ARHGAP33: variants seen among roughly 807,000 people sequenced by gnomAD.
ARHGAP33 encodes the protein rho GTPase-activating protein 33.
In ARHGAP33, 57 loss-of-function variants were observed where a neutral mutation model predicts 126.2. The observed-to-expected ratio is 0.45, with a 90% CI of 0.36 to 0.56. The LOEUF is 0.56. Ranked by LOEUF, ARHGAP33 falls within the 20% of genes least tolerant of loss-of-function variation. The pLI is 0.00. For missense variants in ARHGAP33, 1,500 were observed against 1,748.3 expected, an observed-to-expected ratio of 0.86 and a Z score of 2.53; for synonymous variants, 711 against 755.0, an observed-to-expected ratio of 0.94 and a Z score of 0.95.
intron 9 of ARHGAP33, 40 bp downstream of exon 9, chr19:35,780,688 G>A (rs1971713539): frequency 1.7e-6 from 2 of 1,202,136 alleles, no homozygotes; most frequent in African/African-American, 1.5e-5. Flanking sequence ...GGGAGGGGTG[G>A]GAAGGGGTGG....
rs751674182 is a variant in ARHGAP33, at chr19:35,787,639, C to T, written c.3074C>T (p.Ser1025Leu). 69 of 1,593,988 alleles carry T rather than the reference C, an allele frequency of 4.3e-5. No individual in the cohort carries two copies. The South Asian group carries it at 7.3e-4, about 17-fold the overall frequency. ...GCCCAGTCCCCATGTTCTGTCCCCTCACAGGTTCCTACCCCCGGCTTCTTC... is the reference window on the plus strand; with the variant it reads ...GCCCAGTCCCCATGTTCTGTCCCCTTACAGGTTCCTACCCCCGGCTTCTTC... ...AAAQSPCSVP[S>L]QVPTPGFFSP... The change falls in exon 21 of 21, where the codon TCA (serine) becomes TTA (leucine). Residue 1025 changes from serine (S) to leucine (L), a missense_variant. Around this residue, in one of 6 missense-constraint regions of ARHGAP33, gnomAD observed 642 missense variants for 634.0 expected, o/e 1.01. Transcript: ENST00000007510.
rs1971683582 is a variant in ARHGAP33 at position 35,780,232 on chromosome 19, C to T, written c.523C>T (p.Leu175=). 3 of 1,614,040 alleles carry T rather than the reference C, an allele frequency of 1.9e-6. No individual in the cohort carries two copies. Among genetic ancestry groups the T allele is most frequent in the Admixed American group, 1.7e-5 (1 of 60,022 alleles). ...TCAGCTGGACAATCACGGCCGGCGA[C>T]TGCTCCTCAGTGAGGAGGCGTCACT... ...WMELDNHGRR[L]LLSEEASLNI... is the part of the protein sequence containing the mutation. Residue 175 remains leucine (L), a synonymous_variant, in exon 7 of 21, where the codon CTG becomes TTG. Coordinates refer to ENST00000007510, the MANE Select transcript of ARHGAP33 (RefSeq NM_001366178.1).
rs1599806637 is a variant in ARHGAP33 at position 35,787,995 on chromosome 19, T to G, written c.3430T>G (p.Cys1144Gly). The change falls in exon 21 of 21, where the codon TGC becomes GGC. Residue 1144 changes from cysteine to glycine, a missense_variant. By Grantham distance (159) the Cys-to-Gly change is radical. Transcript: ENST00000007510. Reference protein sequence around the residue: ...FLLSYPPAPSCFPPDHLGYSA... With the variant: ...FLLSYPPAPSGFPPDHLGYSA... ...GCTCAGCTACCCGCCAGCCCCCTCC[T>G]GCTTTCCCCCTGACCACCTTGGCTA... 1 of 1,145,588 alleles carries G rather than the reference T, an allele frequency of 8.7e-7. No individual in the cohort carries two copies. The allele number at this position is 1,145,588 out of a possible 1,614,324, so 71.0% of individuals were successfully genotyped here.
At position 35,786,461 on chromosome 19, in the gene ARHGAP33, C is replaced by G. The variant is rs761331264; in HGVS notation, c.1991C>G (p.Ala664Gly). 1 of 1,535,886 alleles carries G rather than the reference C, an allele frequency of 6.5e-7. No homozygotes were observed. Among genetic ancestry groups the G allele is most frequent in the African/African-American group, 1.4e-5 (1 of 73,138 alleles). ...CGGCGACCCCACTCCAGCAGCGACG[C>G]TTTCCCTGTGGGCCCAGCACCTGCT... ...RLRRPHSSSD[A>G]FPVGPAPAGS... Residue 664 changes from alanine (A) to glycine (G), a missense_variant, in exon 20 of 21, where the codon GCT becomes GGT. Physicochemically the swap from Ala to Gly is moderately conservative, Grantham distance 60. Coordinates refer to ENST00000007510, the MANE Select transcript of ARHGAP33 (RefSeq NM_001366178.1). This position sits in a 1 kb window ranked among gnomAD's most constrained non-coding sequence, Gnocchi z 7.0.
intron 15 of ARHGAP33, among the ~76,000 whole-genome samples, chr19:35,783,910 AGATT>A (rs1056372667): frequency 3.0e-5 from 4 of 132,624 alleles, no homozygotes; most frequent in Non-Finnish European, 4.8e-5. Flanking sequence ...AGGGGGTGAC[AGATT>A]GATTGTGGGA....
chr19:35,784,114 C>G (rs1971957850), intron 15 of ARHGAP33, 58 bp from the exon 16 acceptor site: 1 of 1,512,178 alleles, frequency 6.6e-7, no homozygotes, highest in South Asian at 1.2e-5. Context: ...CATTGCCCTG[C>G]CAGAACCTGC....
At chr19:35,781,556 A>G (rs1175449097) in intron 12 of ARHGAP33, among the ~76,000 whole-genome samples, 1 of 152,238 alleles carries the variant, frequency 6.6e-6, no homozygotes, top group Non-Finnish European at 1.5e-5. Context: ...GGGGAGGGAT[A>G]GAGTTCACCA....
chr19:35,778,838 G>A (rs231229), intron 5 of ARHGAP33, 194 bp from the exon 6 acceptor site: 330,236 of 776,798 alleles, frequency 0.43, 75,048 homozygotes, highest in East Asian at 0.73. Context: ...CCATGGTCAT[G>A]CCAACCAGGG....
At chr19:35,777,479 T>TCCTGTCCTCAGC in intron 1 of ARHGAP33, 166 bp from the exon 2 acceptor site, 1 of 640,704 alleles carries the variant, frequency 1.6e-6, no homozygotes, top group Non-Finnish European at 2.8e-6. Context: ...GAAGAAGCAG[T>TCCTGTCCTCAGC]CCTGTCCTCA....
rs1239195551 is a variant in ARHGAP33 at position 35,787,527 on chromosome 19, A to T, written c.2962A>T (p.Thr988Ser). Residue 988 changes from threonine (T) to serine (S), a missense_variant, in exon 21 of 21, where the codon ACC becomes TCC. Around this residue, in one of 6 missense-constraint regions of ARHGAP33, gnomAD observed 642 missense variants for 634.0 expected, o/e 1.01. Coordinates refer to ENST00000007510, the MANE Select transcript of ARHGAP33 (RefSeq NM_001366178.1). ...SLLRSQRPMGTSRRGLRGPAQ... is the reference protein window; with the variant it reads ...SLLRSQRPMGSSRRGLRGPAQ... ...GCTGAGGAGCCAGCGGCCCATGGGG[A>T]CCTCAAGGAGGGGACTCCGAGGCCC... 1 of 1,611,944 alleles carries T rather than the reference A, an allele frequency of 6.2e-7. No individual in the cohort carries two copies. Among genetic ancestry groups the T allele is most frequent in the Non-Finnish European group, 8.5e-7 (1 of 1,179,508 alleles).
In ARHGAP33 at chr19:35,778,355, T is replaced by C. The variant is rs763947024; in HGVS notation, c.265T>C (p.Cys89Arg). The change falls in exon 4 of 21, where the codon TGT (cysteine) becomes CGT (arginine). Residue 89 changes from cysteine (C) to arginine (R), a missense_variant. By Grantham distance (180) the Cys-to-Arg change is radical (BLOSUM62 -3). Transcript: ENST00000007510. Reference sequence around the variant, plus strand: ...GCTGGTGTTCGGGGTGCAGGTGACCTGTCAGGTGAGGCCATCCCGCCTCTC... The same window carrying C: ...GCTGGTGTTCGGGGTGCAGGTGACCCGTCAGGTGAGGCCATCCCGCCTCTC... ...NELVFGVQVT[C>R]QGRSWPVLRS... 6.2e-7 allele frequency: 1 copy of C among 1,614,202 alleles called. No homozygotes were observed. Among genetic ancestry groups the C allele is most frequent in the Admixed American group, 1.7e-5 (1 of 60,026 alleles).
In ARHGAP33 at chr19:35,787,187, A is replaced by G. The variant is rs1972163606; in HGVS notation, c.2622A>G (p.Pro874=). The change falls in exon 21 of 21, where the codon CCA becomes CCG. Residue 874 remains proline (P), a synonymous_variant. Coordinates refer to ENST00000007510, the MANE Select transcript of ARHGAP33 (RefSeq NM_001366178.1). ...QGPLGPDMES[P]LPPPPLSLLR... ...ATATAGGTCCTGATATGGAGTCACC[A>G]CTGCCACCCCCTCCCCTGTCTCTCC... The G allele has an allele frequency of 6.2e-7, 1 of 1,609,684 alleles. No homozygotes were observed. Among genetic ancestry groups the G allele is most frequent in the Non-Finnish European group, 8.5e-7 (1 of 1,178,694 alleles).
rs750037240 is a variant in ARHGAP33 at position 35,782,716 on chromosome 19, T to C, written c.1313+37T>C. On this transcript the variant is annotated intron_variant, in intron 14 of 20. Transcript: ENST00000007510. This position sits in a 1 kb window ranked among gnomAD's most constrained non-coding sequence, Gnocchi z 4.1. ...GGGGCAGGGCGGGACTTGGTGGGAT[T>C]CCAAGGGGGTTGAGGCTCAGGTGCC... The C allele has an allele frequency of 1.2e-6, 2 of 1,610,494 alleles. No individual in the cohort carries two copies. Among genetic ancestry groups the C allele is most frequent in the African/African-American group, 2.7e-5 (2 of 74,804 alleles).
rs1599809009 is a variant in ARHGAP33 at position 35,788,682 on chromosome 19, A to C, written c.*253A>C. 2.3e-6 allele frequency: 1 copy of C among 436,024 alleles called. No individual in the cohort carries two copies. Among genetic ancestry groups the C allele is most frequent in the Non-Finnish European group, 4.0e-6 (1 of 247,460 alleles). The allele number at this position is 436,024 out of a possible 1,614,324, so 27.0% of individuals were successfully genotyped here. On this transcript the variant is annotated 3_prime_UTR_variant, in exon 21 of 21. Coordinates refer to ENST00000007510, the MANE Select transcript of ARHGAP33 (RefSeq NM_001366178.1). ...ATCTGGGGTGGGAGGGGCTAGGCTG[A>C]CCCCATCCTCCTCTCCCTCCAGGAG...
intron 16 of ARHGAP33, 197 bp from the exon 17 acceptor site, chr19:35,784,756 C>G (rs896721345): frequency 8.8e-6 from 12 of 1,360,430 alleles, no homozygotes; most frequent in Non-Finnish European, 1.1e-5. Context: ...GAGCTGCCTC[C>G]TCATCAGCTC....
Position 35,777,875 on chromosome 19 carries a change from C to G in ARHGAP33, c.156C>G (p.Phe52Leu). Residue 52 changes from phenylalanine to leucine, a missense_variant, in exon 3 of 21, where the codon TTC becomes TTG. By Grantham distance (22) the Phe-to-Leu change is conservative (BLOSUM62 0). Around this residue, in one of 6 missense-constraint regions of ARHGAP33, gnomAD observed 129 missense variants for 145.9 expected, o/e 0.88. Coordinates refer to ENST00000007510, the MANE Select transcript of ARHGAP33 (RefSeq NM_001366178.1). The stretch of plus-strand genomic sequence containing the variant: ...CGCGGCTGGCTGACTGCGCCCATTT[C>G]CACTACGAGAACGTTGACTTTGGCC... ...PFPRLADCAH[F>L]HYENVDFGHI... The G allele has an allele frequency of 6.2e-7, 1 of 1,614,250 alleles. No individual in the cohort carries two copies. Among genetic ancestry groups the G allele is most frequent in the East Asian group, 2.2e-5 (1 of 44,890 alleles).
Position 35,786,118 on chromosome 19 carries a change from C to G in ARHGAP33, c.1943-295C>G, listed in dbSNP as rs546563143. ...TGAGCCACCGCGCCATCCTCACACTCCTGGGGTACTGCCCTCCCACATACC... is the reference window on the plus strand; with the variant it reads ...TGAGCCACCGCGCCATCCTCACACTGCTGGGGTACTGCCCTCCCACATACC... On this transcript the variant is annotated intron_variant, in intron 19 of 20. Coordinates refer to ENST00000007510, the MANE Select transcript of ARHGAP33 (RefSeq NM_001366178.1). The surrounding 1 kb of genome is among the most constrained non-coding windows in gnomAD (Gnocchi z 7.0). 2 of 1,303,332 alleles carry G rather than the reference C, an allele frequency of 1.5e-6. No individual in the cohort carries two copies. Among genetic ancestry groups the G allele is most frequent in the Non-Finnish European group, 1.9e-6 (2 of 1,027,096 alleles). The allele number at this position is 1,303,332 out of a possible 1,614,324, so 80.7% of individuals were successfully genotyped here. A position where few individuals can be genotyped will look rare whatever the true frequency, so the allele number is the denominator to read the frequency against.
In ARHGAP33 at chr19:35,788,266, T is replaced by C; in HGVS notation, c.3701T>C (p.Leu1234Pro). Residue 1234 changes from leucine to proline, a missense_variant, in exon 21 of 21, where the codon CTC becomes CCC. Physicochemically the swap from Leu to Pro is moderately conservative, Grantham distance 98. Around this residue, in one of 6 missense-constraint regions of ARHGAP33, gnomAD observed 642 missense variants for 634.0 expected, o/e 1.01. Transcript: ENST00000007510. ...TGGGGCCCTCCTGAGCCTCTCCTGC[T>C]CTACAGGGCAGCCCCGCCAGCCTAC... ...GPWGPPEPLLLYRAAPPAYGR... is the reference protein window; with the variant it reads ...GPWGPPEPLLPYRAAPPAYGR... 1 of 1,609,394 alleles carries C rather than the reference T, an allele frequency of 6.2e-7. No individual in the cohort carries two copies. Among genetic ancestry groups the C allele is most frequent in the Non-Finnish European group, 8.5e-7 (1 of 1,178,868 alleles).
intron 16 of ARHGAP33, chr19:35,784,685 T>A: frequency 8.3e-7 from 1 of 1,210,972 alleles, no homozygotes; most frequent in Non-Finnish European, 1.0e-6. Context: ...ACTCAGCACG[T>A]CGGAGGGCCC....
Sources: gnomAD v4.1 joint callset for allele counts (sites outside exome capture counted in the v4.1 genomes callset) on GRCh38, gnomAD v4.1.1 for gene constraint, gnomAD v4.1.1 regional missense constraint, Gnocchi (gnomAD v3.1) non-coding constraint, MANE v1.5 for transcripts, NCBI Gene and HGNC (gene_info 2026-07-23, HGNC 2026-07-21) for gene names.